Variants in ASIC2 observed in about 807,000 individuals in gnomAD.
ASIC2 encodes acid sensing ion channel subunit 2, also known as acid-sensing ion channel 2.
ASIC2 carries 25 observed loss-of-function variants against 57.3 expected under a neutral mutation model. That is an observed-to-expected ratio of 0.44 (90% CI 0.32 to 0.61). The LOEUF is 0.61. Ranked by LOEUF, ASIC2 falls within the 20% of genes least tolerant of loss-of-function variation. The probability of loss-of-function intolerance (pLI) is 0.06; values close to 1 mark genes in which losing one functional copy is unlikely to be tolerated. For missense variants in ASIC2, 641 were observed against 738.1 expected, an observed-to-expected ratio of 0.87 and a Z score of 1.52; for synonymous variants, 319 against 307.5, an observed-to-expected ratio of 1.04 and a Z score of -0.39.
At chr17:33,298,835 C>A (rs909321667) in intron 1 of ASIC2, among the ~76,000 whole-genome samples, 6 of 152,302 alleles carry the variant, frequency 3.9e-5, no homozygotes, top group Admixed American at 3.3e-4. Context: ...AACTCCCATT[C>A]ACAATTGCTT....
chr17:33,937,687 C>G (rs1170452852), intron 1 of ASIC2, among the ~76,000 whole-genome samples: 1 of 152,156 alleles, frequency 6.6e-6, no homozygotes, highest in African/African-American at 2.4e-5. Flanking sequence ...CCTGAGATTT[C>G]CCTAGCCAGC....
intron 1 of ASIC2, among the ~76,000 whole-genome samples, chr17:33,235,292 C>T (rs914626063): frequency 6.6e-6 from 1 of 152,088 alleles, no homozygotes; most frequent in Non-Finnish European, 1.5e-5. Context: ...AGGGGCAACC[C>T]ACACACAGGG....
intron 1 of ASIC2, among the ~76,000 whole-genome samples, chr17:33,321,663 A>G (rs1906871413): frequency 6.6e-6 from 1 of 152,186 alleles, no homozygotes; most frequent in Non-Finnish European, 1.5e-5. Context: ...AAGGATTAAA[A>G]ACAGCTTTTT....
chr17:33,453,182 T>C (rs982788370), intron 1 of ASIC2, among the ~76,000 whole-genome samples: 1 of 151,902 alleles, frequency 6.6e-6, no homozygotes, highest in African/African-American at 2.4e-5. Context: ...TATATTTGTG[T>C]ATTAGAGAAA....
chr17:33,584,698 G>A (rs1452971188), intron 1 of ASIC2, among the ~76,000 whole-genome samples: 2 of 137,016 alleles, frequency 1.5e-5, no homozygotes, highest in African/African-American at 5.6e-5. Context: ...TCTTGGGGTG[G>A]GGTTTGATGG....
chr17:33,283,859 C>T (rs1258645864), intron 1 of ASIC2, among the ~76,000 whole-genome samples: 1 of 152,158 alleles, frequency 6.6e-6, no homozygotes, highest in Non-Finnish European at 1.5e-5. Context: ...GCAGGTTTGT[C>T]TGGCCAAAGC....
At chr17:33,071,535 G>T (rs1276181432) in intron 3 of ASIC2, among the ~76,000 whole-genome samples, 3 of 151,994 alleles carry the variant, frequency 2.0e-5, no homozygotes, top group Non-Finnish European at 2.9e-5. Flanking sequence ...TTCATTCTGG[G>T]TTATTTTAAT....
At position 33,851,788 on chromosome 17, in the gene ASIC2, C is replaced by T. The variant is rs553750670; in HGVS notation, c.555+304190G>A. On this transcript the variant is annotated intron_variant, in intron 1 of 9. Coordinates refer to the ASIC2 transcript ENST00000359872. ...GTCAGTGTGTAGAGGAGCATAATCACCCATAGTTGGGAACCACTGCTGTCA... is the reference window on the plus strand; with the variant it reads ...GTCAGTGTGTAGAGGAGCATAATCATCCATAGTTGGGAACCACTGCTGTCA... 2.0e-4 allele frequency among the ~76,000 whole-genome samples: 30 copies of T among 152,294 alleles called. No individual in the cohort carries two copies. The South Asian group carries it at 4.8e-3, about 24-fold the overall frequency.
At chr17:33,528,206 T>C (rs1413124629) in intron 1 of ASIC2, among the ~76,000 whole-genome samples, 2 of 57,576 alleles carry the variant, frequency 3.5e-5, no homozygotes, top group African/African-American at 4.6e-5. Flanking sequence ...TGTGATCCTA[T>C]AGGACAGGTG....
At chr17:33,301,541 G>A (rs2046541511) in intron 1 of ASIC2, among the ~76,000 whole-genome samples, 1 of 152,130 alleles carries the variant, frequency 6.6e-6, no homozygotes, top group Admixed American at 6.6e-5. Context: ...GACTATAGTG[G>A]TTATTTATTG....
At position 33,586,240 on chromosome 17, in the gene ASIC2, C is replaced by CT. The variant is rs554153832; in HGVS notation, c.556-474174dup. 8.2e-4 allele frequency among the ~76,000 whole-genome samples: 125 copies of CT among 152,234 alleles called. 1 individual carries two copies. The South Asian group carries it at 9.5e-3, about 12-fold the overall frequency. ...AAGAAGCCAGTCTATCTTTCTGGAG[C>CT]TTTTTTCTGGAGCTTCTGGGTTCTC... On this transcript the variant is annotated intron_variant, in intron 1 of 9. Coordinates refer to the ASIC2 transcript ENST00000359872.
chr17:34,023,659 G>A (rs1322182523), intron 1 of ASIC2, among the ~76,000 whole-genome samples: 7 of 152,132 alleles, frequency 4.6e-5, no homozygotes, highest in African/African-American at 9.7e-5. Context: ...GACCTCCGGA[G>A]GTGCAGCATC....
chr17:33,726,114 C>G (rs1171028639), intron 1 of ASIC2, among the ~76,000 whole-genome samples: 1 of 152,174 alleles, frequency 6.6e-6, no homozygotes, highest in Non-Finnish European at 1.5e-5. Flanking sequence ...TCACGGCTTT[C>G]CATTTGAATT....
At position 33,346,175 on chromosome 17, in the gene ASIC2, C is replaced by T. The variant is rs1031326174; in HGVS notation, c.556-234108G>A. ...CTGGGAGGCGGAGGTTGCAATGAACCGAGATTGTGCCACTGCACTCCAGCC... is the reference window on the plus strand; with the variant it reads ...CTGGGAGGCGGAGGTTGCAATGAACTGAGATTGTGCCACTGCACTCCAGCC... On this transcript the variant is annotated intron_variant, in intron 1 of 9. Coordinates refer to the ASIC2 transcript ENST00000359872. Among the ~76,000 whole-genome samples the T allele has an allele frequency of 4.8e-5, 6 of 125,360 alleles. No individual in the cohort carries two copies. In the East Asian group the frequency reaches 7.8e-4, roughly 16 times the overall value. The allele number at this position is 125,360 out of a possible 152,430, so 82.2% of individuals were successfully genotyped here.
chr17:33,103,966 G>C (rs559584656), intron 2 of ASIC2, among the ~76,000 whole-genome samples: 1 of 152,250 alleles, frequency 6.6e-6, no homozygotes, highest in East Asian at 1.9e-4. Flanking sequence ...TCTCAAACCT[G>C]TCTTCAGCAG....
chr17:33,516,936 CA>C (rs1914589566), intron 1 of ASIC2, among the ~76,000 whole-genome samples: 1 of 152,210 alleles, frequency 6.6e-6, no homozygotes, highest in African/African-American at 2.4e-5. Flanking sequence ...GCTCCTTTGT[CA>C]AAACCCTCAC....
intron 1 of ASIC2, among the ~76,000 whole-genome samples, chr17:33,399,176 G>A (rs533948327): frequency 5.8e-4 from 89 of 152,252 alleles, no homozygotes; most frequent in African/African-American, 2.1e-3. Context: ...ATGCTTTCCT[G>A]GGCCTTGAGT....
chr17:33,118,791 C>G (rs899294787), intron 1 of ASIC2, among the ~76,000 whole-genome samples: 1 of 152,072 alleles, frequency 6.6e-6, no homozygotes, highest in Non-Finnish European at 1.5e-5. Context: ...TGCTTTTCCT[C>G]GAAGCCTTCT....
rs141700095 is a variant in ASIC2 at position 33,648,225 on chromosome 17, A to G, written c.555+507753T>C. 1.1e-3 allele frequency among the ~76,000 whole-genome samples: 171 copies of G among 152,276 alleles called. 1 individual carries two copies. Among genetic ancestry groups the G allele is most frequent in the African/African-American group, 3.8e-3 (156 of 41,558 alleles). On this transcript the variant is annotated intron_variant, in intron 1 of 9. Transcript: ENST00000359872. ...GGGACCACACTTAAGAACTAAATGC[A>G]CTGTGGCTTGCTTCCCAGCTCTGGA...
Sources: allele counts gnomAD v4.1 joint callset (sites outside exome capture counted in the v4.1 genomes callset), GRCh38; gene constraint gnomAD v4.1.1; transcripts MANE v1.5; gene names NCBI Gene and HGNC (gene_info 2026-07-23, HGNC 2026-07-21).